Variants in RAB2A observed in about 807,000 individuals in gnomAD.
The protein encoded by RAB2A is RAB2A, member RAS oncogene family.
A neutral mutation model predicts 32.5 loss-of-function variants in RAB2A; 7 were observed. The ratio of observed to expected loss-of-function variants is 0.22; its 90% confidence interval spans 0.12 to 0.40. The LOEUF (loss-of-function observed/expected upper bound fraction) is 0.40, where lower values mean the gene tolerates loss of function less well. Ranked by LOEUF, RAB2A falls within the 10% of genes least tolerant of loss-of-function variation. The pLI is 1.00. For synonymous variants in RAB2A, 79 were observed against 85.2 expected, an observed-to-expected ratio of 0.93 and a Z score of 0.40; for missense variants, 108 against 260.7, an observed-to-expected ratio of 0.41 and a Z score of 4.03.
chr8:60,607,353 C>T (rs1430149606), intron 6 of RAB2A, among the ~76,000 whole-genome samples: 1 of 137,378 alleles, frequency 7.3e-6, no homozygotes, highest in African/African-American at 2.9e-5. Context: ...GGCATGAACC[C>T]GGGAGGTGGA....
rs77426183 is a variant in RAB2A at position 60,523,840 on chromosome 8, A to G, written c.46+6587A>G. Among the ~76,000 whole-genome samples the G allele has an allele frequency of 0.011, 1,701 of 151,820 alleles. 80 individuals are homozygous for G. The East Asian group carries it at 0.11, about 10-fold the overall frequency. ...CAAGTAGCTGGGACTACAGGCGCCC[A>G]TGACCATGCCTGGCTAATTTTTTGT... On this transcript the variant is annotated intron_variant, in intron 1 of 7. Transcript: ENST00000262646.
intron 5 of RAB2A, among the ~76,000 whole-genome samples, chr8:60,590,600 T>A (rs1803926376): frequency 1.4e-5 from 2 of 147,224 alleles, no homozygotes; most frequent in African/African-American, 5.0e-5. Context: ...ATATATATAA[T>A]ACATATATAT....
At chr8:60,608,907 G>C (rs1200536726) in intron 6 of RAB2A, among the ~76,000 whole-genome samples, 1 of 152,072 alleles carries the variant, frequency 6.6e-6, no homozygotes, top group Non-Finnish European at 1.5e-5. Flanking sequence ...CTTTTCACCT[G>C]TTATTGTTTC....
intron 1 of RAB2A, among the ~76,000 whole-genome samples, chr8:60,525,602 A>G (rs554556784): frequency 5.9e-5 from 9 of 152,084 alleles, no homozygotes; most frequent in Non-Finnish European, 1.2e-4. Flanking sequence ...TTTCATAGCC[A>G]TAATGTAGCT....
At chr8:60,603,730 T>G (rs1804176854) in intron 6 of RAB2A, among the ~76,000 whole-genome samples, 1 of 152,148 alleles carries the variant, frequency 6.6e-6, no homozygotes, top group Non-Finnish European at 1.5e-5. Context: ...ATATTATTAT[T>G]AAAAATGAGT....
intron 2 of RAB2A, among the ~76,000 whole-genome samples, chr8:60,568,674 G>A (rs1808152147): frequency 6.6e-6 from 1 of 152,182 alleles, no homozygotes; most frequent in African/African-American, 2.4e-5. Context: ...CAATTAGAAA[G>A]TGTACCTATT....
At chr8:60,583,259 T>C (rs1311095590) in intron 3 of RAB2A, among the ~76,000 whole-genome samples, 1 of 152,218 alleles carries the variant, frequency 6.6e-6, no homozygotes, top group Non-Finnish European at 1.5e-5. Flanking sequence ...TAAAATTGGC[T>C]TTACGTTTAC....
At chr8:60,582,713 A>G (rs1197886963) in intron 3 of RAB2A, among the ~76,000 whole-genome samples, 2 of 152,068 alleles carry the variant, frequency 1.3e-5, no homozygotes, top group South Asian at 2.1e-4. Flanking sequence ...GGGTTTTGCC[A>G]TGTTGCCCAG....
At position 60,584,243 on chromosome 8, in the gene RAB2A, G is replaced by A. The variant is rs535641144; in HGVS notation, c.222G>A (p.Ser74=). The change falls in exon 4 of 8, where the codon TCG becomes TCA. Residue 74 remains serine (S), a synonymous_variant. Transcript: ENST00000262646. ...AATCCTTTCGTTCCATCACAAGGTC[G>A]TATTACAGAGGTGCAGCAGGAGCTT... The part of the protein sequence containing the change: ...GQESFRSITR[S]YYRGAAGALL... 43 of 1,610,458 alleles carry A rather than the reference G, an allele frequency of 2.7e-5. No individual in the cohort carries two copies. In the Middle Eastern group the frequency reaches 4.9e-4, roughly 18 times the overall value.
intron 3 of RAB2A, among the ~76,000 whole-genome samples, chr8:60,583,351 C>T (rs1054925209): frequency 6.6e-6 from 1 of 151,952 alleles, no homozygotes; most frequent in Non-Finnish European, 1.5e-5. Flanking sequence ...AGAGCTGTCT[C>T]GGTTTTAAAC....
intron 2 of RAB2A, among the ~76,000 whole-genome samples, chr8:60,560,228 C>A (rs1344204853): frequency 6.6e-6 from 1 of 152,178 alleles, no homozygotes; most frequent in Non-Finnish European, 1.5e-5. Flanking sequence ...GCTAGGACTA[C>A]AGGCGTGCAC....
At chr8:60,615,577 C>T (rs542745846) in intron 6 of RAB2A, among the ~76,000 whole-genome samples, 36 of 152,128 alleles carry the variant, frequency 2.4e-4, no homozygotes, top group Non-Finnish European at 4.6e-4. Flanking sequence ...TATATACATA[C>T]ATATTTCTCA....
intron 3 of RAB2A, among the ~76,000 whole-genome samples, chr8:60,577,562 G>T (rs976408133): frequency 1.3e-4 from 19 of 151,778 alleles, no homozygotes; most frequent in African/African-American, 4.6e-4. Context: ...TAGAAGTTTT[G>T]TACATGCATG....
chr8:60,536,579 C>A (rs1050249397), intron 1 of RAB2A, among the ~76,000 whole-genome samples: 6 of 152,158 alleles, frequency 3.9e-5, no homozygotes, highest in African/African-American at 1.4e-4. Context: ...TGTTAAGATA[C>A]ATGACTTATC....
intron 2 of RAB2A, 92 bp from the exon 3 acceptor site, chr8:60,571,954 C>A: frequency 4.8e-6 from 4 of 829,786 alleles, no homozygotes; most frequent in Non-Finnish European, 7.6e-6. Flanking sequence ...CCTAGCATAG[C>A]ATGTCTTGGA....
chr8:60,565,511 A>G (rs561443459), intron 2 of RAB2A, among the ~76,000 whole-genome samples: 18 of 152,010 alleles, frequency 1.2e-4, no homozygotes, highest in South Asian at 4.2e-4. Flanking sequence ...CATTTCTTCC[A>G]TCAGGCTCAC....
chr8:60,558,782 C>T (rs767473095), intron 1 of RAB2A, 70 bp from the exon 2 acceptor site: 1 of 1,325,524 alleles, frequency 7.5e-7, no homozygotes, highest in African/African-American at 1.4e-5. Flanking sequence ...GCCTCTTTTC[C>T]ATGTCCTTTT....
intron 3 of RAB2A, among the ~76,000 whole-genome samples, chr8:60,577,888 C>T (rs950118679): frequency 1.3e-5 from 2 of 151,064 alleles, no homozygotes; most frequent in East Asian, 2.0e-4. Context: ...GTGATCCACC[C>T]GCCTCAGCTT....
At position 60,530,180 on chromosome 8, in the gene RAB2A, G is replaced by T. The variant is rs368700821; in HGVS notation, c.46+12927G>T. ...TTTTTTTTGAGAGAGAGAGAGTCTC[G>T]CTCTGTCACCCAGGCTGGAGTGCAG... On this transcript the variant is annotated intron_variant, in intron 1 of 7. Transcript: ENST00000262646. Among the ~76,000 whole-genome samples the T allele has an allele frequency of 2.2e-5, 3 of 139,068 alleles. No individual in the cohort carries two copies. The East Asian group carries it at 6.2e-4, about 29-fold the overall frequency. 91.2% of individuals were successfully genotyped at this position (139,068 alleles called of 152,430 possible). A position where few individuals can be genotyped will look rare whatever the true frequency, so the allele number is the denominator to read the frequency against.
Sources: gnomAD v4.1 joint callset for allele counts (sites outside exome capture counted in the v4.1 genomes callset) on GRCh38, gnomAD v4.1.1 for gene constraint, MANE v1.5 for transcripts, NCBI Gene and HGNC (gene_info 2026-07-23, HGNC 2026-07-21) for gene names.